ACP3: variants seen among roughly 807,000 people sequenced by gnomAD.
ACP3 encodes the protein acid phosphatase 3.
Under a neutral mutation model 45.6 loss-of-function variants are expected in ACP3, and 38 were observed. The ratio of observed to expected loss-of-function variants is 0.83; its 90% CI spans 0.64 to 1.09. ACP3 has a LOEUF of 1.09. Ranked by LOEUF, ACP3 falls within the 50% of genes least tolerant of loss-of-function variation. ACP3 has a pLI of 0.00. For synonymous variants in ACP3, 162 were observed against 164.7 expected (o/e 0.98, Z 0.13); for missense variants, 466 against 463.2 (o/e 1.01, Z -0.05).
In ACP3 at chr3:132,355,191, C is replaced by T. The variant is rs143660887; in HGVS notation, c.969-1495C>T. ...GAGGCAGCAACCCGCTTATCAACCA[C>T]GTCAGCCTTTTAAAGGGGACACATA... On this transcript the variant is annotated intron_variant, in intron 9 of 9. Transcript: ENST00000336375. Among the ~76,000 whole-genome samples, 255 of 152,352 alleles carry T rather than the reference C, an allele frequency of 1.7e-3. 1 individual carries two copies. The highest frequency in any genetic ancestry group is 5.9e-3 in the African/African-American group (245 of 41,582).
downstream of ACP3, chr3:132,358,935 T>A: frequency 1.1e-6 from 1 of 940,186 alleles, no homozygotes; most frequent in Non-Finnish European, 1.3e-6. Context: ...ATGAACATTT[T>A]ACATTGAAAA....
intron 3 of ACP3, 127 bp downstream of exon 3, chr3:132,331,860 A>G (rs1937405020): frequency 1.1e-6 from 1 of 884,774 alleles, no homozygotes; most frequent in Non-Finnish European, 1.7e-6. Context: ...TTACAAATAT[A>G]TTCCTCTTTA....
In ACP3 at chr3:132,358,148, G is replaced by T; in HGVS notation, c.*1270G>T. On this transcript the variant is annotated 3_prime_UTR_variant, in exon 10 of 10. Coordinates refer to ENST00000336375, the MANE Select transcript of ACP3 (RefSeq NM_001099.5). Reference sequence around the variant, plus strand: ...CTCACACCTGTAATCCTTGCATTTTGGAAGGCTGAGGCAGGAGGATCACTT... The same window carrying T: ...CTCACACCTGTAATCCTTGCATTTTTGAAGGCTGAGGCAGGAGGATCACTT... The T allele has an allele frequency of 1.7e-6, 1 of 575,024 alleles. No homozygotes were observed. The highest frequency in any genetic ancestry group is 2.2e-6 in the Non-Finnish European group (1 of 454,402). The allele number at this position is 575,024 out of a possible 1,614,324, so 35.6% of individuals were successfully genotyped here.
At chr3:132,318,936 C>T (rs1484053719) in intron 1 of ACP3, among the ~76,000 whole-genome samples, 1 of 152,190 alleles carries the variant, frequency 6.6e-6, no homozygotes, top group Admixed American at 6.5e-5. Flanking sequence ...ATTCCCTCCT[C>T]CATGTTTTAC....
intron 7 of ACP3, among the ~76,000 whole-genome samples, chr3:132,347,723 AT>A (rs1937628318): frequency 6.6e-6 from 1 of 152,020 alleles, no homozygotes; most frequent in Admixed American, 6.6e-5. Context: ...GGCTCAAGCG[AT>A]CCTCCACCTT....
At chr3:132,330,427 G>A (rs950913909) in intron 2 of ACP3, among the ~76,000 whole-genome samples, 8 of 152,104 alleles carry the variant, frequency 5.3e-5, no homozygotes, top group South Asian at 2.1e-4. Flanking sequence ...AATTCTTCAC[G>A]CAATACCCAG....
At chr3:132,328,808 T>C (rs1576410735) in intron 2 of ACP3, among the ~76,000 whole-genome samples, 1 of 151,972 alleles carries the variant, frequency 6.6e-6, no homozygotes, top group East Asian at 1.9e-4. Flanking sequence ...GAACAAAGAC[T>C]ATATGAGCTT....
chr3:132,337,288 T>G (rs921815546), intron 4 of ACP3, 168 bp from the exon 5 acceptor site: 1 of 503,388 alleles, frequency 2.0e-6, no homozygotes, highest in Non-Finnish European at 3.6e-6. Flanking sequence ...GACCTATAGA[T>G]CATTTGATTC....
chr3:132,356,583 T>G (rs571073160), intron 9 of ACP3, 103 bp from the exon 10 acceptor site: 3 of 1,581,028 alleles, frequency 1.9e-6, no homozygotes, highest in East Asian at 4.5e-5. Flanking sequence ...AGTTTTTCCA[T>G]TAGTCCCTCA....
At chr3:132,331,574 C>A (rs1439328750) in intron 2 of ACP3, 73 bp from the exon 3 acceptor site, 14 of 1,224,192 alleles carry the variant, frequency 1.1e-5, no homozygotes, top group South Asian at 1.5e-5. Flanking sequence ...AAAAAAAAAT[C>A]AACAAATTTT....
In ACP3 at chr3:132,342,005, T is replaced by C. The variant is rs145110075; in HGVS notation, c.556-547T>C. ...GCATTCCATCCAAGTTTTATATGTA[T>C]AGCCAAAGACCAAGCCCTATTTGTG... is the stretch of plus-strand genomic sequence containing the variant. On this transcript the variant is annotated intron_variant, in intron 5 of 9. Coordinates refer to ENST00000336375, the MANE Select transcript of ACP3 (RefSeq NM_001099.5). Among the ~76,000 whole-genome samples, 6 of 152,326 alleles carry C rather than the reference T, an allele frequency of 3.9e-5. No individual in the cohort carries two copies. In the East Asian group the frequency reaches 9.6e-4, roughly 24 times the overall value.
chr3:132,339,015 C>G (rs1367625867), intron 5 of ACP3, among the ~76,000 whole-genome samples: 1 of 151,952 alleles, frequency 6.6e-6, no homozygotes, highest in Non-Finnish European at 1.5e-5. Context: ...TTTTCCTGAC[C>G]CTTTGCCTCC....
At chr3:132,343,850 C>T (rs1045064630) in intron 6 of ACP3, among the ~76,000 whole-genome samples, 1 of 152,166 alleles carries the variant, frequency 6.6e-6, no homozygotes, top group East Asian at 1.9e-4. Context: ...CAGTGAACTA[C>T]AGCCAGGTAT....
At chr3:132,344,896 A>G in intron 6 of ACP3, 31 bp from the exon 7 acceptor site, 3 of 1,610,242 alleles carry the variant, frequency 1.9e-6, no homozygotes, top group Non-Finnish European at 2.5e-6. Context: ...ATAAATACAC[A>G]TACATTTTTC....
chr3:132,331,111 T>C (rs886544555), intron 2 of ACP3, among the ~76,000 whole-genome samples: 2 of 152,120 alleles, frequency 1.3e-5, no homozygotes, highest in African/African-American at 4.8e-5. Flanking sequence ...ATTTGATTTC[T>C]ATAATGCTTT....
chr3:132,352,594 T>C, intron 8 of ACP3, 126 bp from the exon 9 acceptor site: 1 of 678,800 alleles, frequency 1.5e-6, no homozygotes, highest in Non-Finnish European at 2.6e-6. Flanking sequence ...CTTCTCTACT[T>C]ATTAAGTCAT....
intron 4 of ACP3, among the ~76,000 whole-genome samples, chr3:132,336,655 C>T (rs1161043487): frequency 1.3e-5 from 2 of 152,046 alleles, no homozygotes; most frequent in African/African-American, 4.8e-5. Flanking sequence ...CAGTTTTATG[C>T]AGAGATCCTA....
rs766153781 is a variant in ACP3 at position 132,356,854 on chromosome 3, A to G, written c.1137A>G (p.Gln379=). 2 of 1,614,144 alleles carry G rather than the reference A, an allele frequency of 1.2e-6. No individual in the cohort carries two copies. Among genetic ancestry groups the G allele is most frequent in the African/African-American group, 1.3e-5 (1 of 75,048 alleles). Reference sequence around the variant, plus strand: ...AGTGTATGACCACAAACAGCCATCAAGGTACTGAAGACAGTACAGATTAGT... The same window carrying G: ...AGTGTATGACCACAAACAGCCATCAGGGTACTGAAGACAGTACAGATTAGT... The part of the protein sequence containing the change: ...STECMTTNSH[Q]GTEDSTD Residue 379 remains glutamine (Q), a synonymous_variant, in exon 10 of 10, where the codon CAA becomes CAG. Coordinates refer to ENST00000336375, the MANE Select transcript of ACP3 (RefSeq NM_001099.5).
downstream of ACP3, among the ~76,000 whole-genome samples, chr3:132,362,057 A>G (rs1938049793): frequency 6.6e-6 from 1 of 151,822 alleles, no homozygotes; most frequent in Admixed American, 6.6e-5. Context: ...TTCTTGTACT[A>G]TTTTCTCACA....
Sources: gnomAD v4.1 joint callset for allele counts (sites outside exome capture counted in the v4.1 genomes callset) on GRCh38, gnomAD v4.1.1 for gene constraint, MANE v1.5 for transcripts, NCBI Gene and HGNC (gene_info 2026-07-23, HGNC 2026-07-21) for gene names.